PLXDC2: variants seen among roughly 807,000 people sequenced by gnomAD.
The protein encoded by PLXDC2 is plexin domain containing 2, also known as plexin domain-containing protein 2.
PLXDC2 carries 40 observed loss-of-function variants against 68.9 expected under a neutral mutation model. That is an observed-to-expected ratio of 0.58 (90% CI 0.45 to 0.76). The LOEUF (loss-of-function observed/expected upper bound fraction) is 0.76. Among genes scored for constraint, PLXDC2 ranks in the 30% least tolerant of loss-of-function variants. The pLI is 0.00. For synonymous variants in PLXDC2, 243 were observed against 234.2 expected (o/e 1.04, Z -0.34); for missense variants, 644 against 661.9 (o/e 0.97, Z 0.30).
At chr10:20,179,329 C>G (rs1310079366) in intron 9 of PLXDC2, among the ~76,000 whole-genome samples, 12 of 152,054 alleles carry the variant, frequency 7.9e-5, no homozygotes, top group African/African-American at 2.7e-4. Flanking sequence ...AAGGCAGAGA[C>G]CATATCCAAT....
intron 2 of PLXDC2, among the ~76,000 whole-genome samples, chr10:20,014,035 T>C (rs1233111383): frequency 1.3e-5 from 2 of 152,248 alleles, no homozygotes; most frequent in African/African-American, 4.8e-5. Flanking sequence ...CAGATGATAG[T>C]AAAATTATCT....
intron 1 of PLXDC2, among the ~76,000 whole-genome samples, chr10:19,930,336 G>A (rs1490970125): frequency 1.3e-5 from 2 of 152,070 alleles, no homozygotes; most frequent in Non-Finnish European, 2.9e-5. Flanking sequence ...AGAAACAGCC[G>A]GGTTGGTTTT....
chr10:19,850,492 A>G (rs1314536728), intron 1 of PLXDC2, among the ~76,000 whole-genome samples: 1 of 152,152 alleles, frequency 6.6e-6, no homozygotes, highest in African/African-American at 2.4e-5. Flanking sequence ...ATTATAATTA[A>G]AAGGCAAAAT....
At chr10:20,123,463 G>A (rs140952566) in intron 4 of PLXDC2, among the ~76,000 whole-genome samples, 4,502 of 152,212 alleles carry the variant, frequency 0.03, 152 homozygotes, top group African/African-American at 0.092. Flanking sequence ...TGGAAAAATC[G>A]AAAGTGCCGT....
intron 12 of PLXDC2, among the ~76,000 whole-genome samples, chr10:20,226,077 G>A (rs914099942): frequency 3.3e-5 from 5 of 152,156 alleles, no homozygotes; most frequent in Admixed American, 6.5e-5. Context: ...GAAGAATAAC[G>A]TATTTTACTC....
chr10:20,060,860 G>A lies in PLXDC2; in HGVS notation c.472-7310G>A, dbSNP rs191451922. On this transcript the variant is annotated intron_variant, in intron 3 of 13. Transcript: ENST00000377252. ...TTATAACAGGTAGGAAATGAATCAC[G>A]TAGTATAAAAGAAGAAATATAGAAA... 2.9e-4 allele frequency among the ~76,000 whole-genome samples: 44 copies of A among 152,286 alleles called. No homozygotes were observed. In the East Asian group the frequency reaches 7.5e-3, roughly 26 times the overall value.
intron 1 of PLXDC2, among the ~76,000 whole-genome samples, chr10:19,879,593 CAGA>C (rs1272338509): frequency 6.6e-6 from 1 of 152,154 alleles, no homozygotes; most frequent in Admixed American, 6.5e-5. Context: ...CCTTGCATTG[CAGA>C]CTGAGACGGT....
chr10:19,985,304 GAAATATTAAACAGAGGA>G (rs1359327435), intron 1 of PLXDC2, among the ~76,000 whole-genome samples: 2 of 152,140 alleles, frequency 1.3e-5, no homozygotes, highest in African/African-American at 4.8e-5. Context: ...TCTACCTGTT[GAAATATTAAACAGAGGA>G]AAATGGGGAT....
chr10:20,202,861 A>C (rs1281499981), intron 9 of PLXDC2, among the ~76,000 whole-genome samples: 2 of 152,164 alleles, frequency 1.3e-5, no homozygotes, highest in African/African-American at 4.8e-5. Flanking sequence ...AACTGGGCTT[A>C]GTGGATTGTC....
intron 3 of PLXDC2, 63 bp from the exon 4 acceptor site, chr10:20,068,107 C>A: frequency 7.2e-7 from 1 of 1,394,064 alleles, no homozygotes; most frequent in Non-Finnish European, 1.0e-6. Context: ...GTGAAAGGCT[C>A]TTCATTTCAC....
At chr10:19,858,174 G>T (rs1411131675) in intron 1 of PLXDC2, among the ~76,000 whole-genome samples, 3 of 152,080 alleles carry the variant, frequency 2.0e-5, no homozygotes, top group Admixed American at 6.6e-5. Flanking sequence ...TGATTTCTGG[G>T]GACAAATTTT....
intron 6 of PLXDC2, among the ~76,000 whole-genome samples, chr10:20,150,602 G>A (rs181420913): frequency 4.6e-5 from 7 of 152,228 alleles, no homozygotes; most frequent in Admixed American, 2.0e-4. Flanking sequence ...GCACAGTGAC[G>A]TTTTGCAATG....
chr10:20,068,004 G>GA (rs1189264808), intron 3 of PLXDC2, among the ~76,000 whole-genome samples, 166 bp from the exon 4 acceptor site: 1 of 152,082 alleles, frequency 6.6e-6, no homozygotes, highest in Non-Finnish European at 1.5e-5. Flanking sequence ...TTAATTACCA[G>GA]AAAAAATATT....
chr10:20,177,902 A>C, intron 9 of PLXDC2, among the ~76,000 whole-genome samples: 1 of 151,032 alleles, frequency 6.6e-6, no homozygotes, highest in South Asian at 2.1e-4. Context: ...CCTTTGTTTG[A>C]GAGCTCAAAA....
At chr10:20,218,080 A>G (rs1835163889) in intron 11 of PLXDC2, among the ~76,000 whole-genome samples, 2 of 152,158 alleles carry the variant, frequency 1.3e-5, no homozygotes, top group South Asian at 4.1e-4. Flanking sequence ...TGTCATAGAA[A>G]TTGTCCTTGA....
chr10:19,960,698 T>A (rs1441822609), intron 1 of PLXDC2, among the ~76,000 whole-genome samples: 2 of 152,186 alleles, frequency 1.3e-5, no homozygotes, highest in Non-Finnish European at 2.9e-5. Context: ...AGACAGTTCC[T>A]GTTTATCCCT....
chr10:19,868,993 C>A lies in PLXDC2; in HGVS notation c.112+51802C>A, dbSNP rs574667940. Among the ~76,000 whole-genome samples, 3 of 152,286 alleles carry A rather than the reference C, an allele frequency of 2.0e-5. No individual in the cohort carries two copies. The East Asian group carries it at 5.8e-4, about 29-fold the overall frequency. On this transcript the variant is annotated intron_variant, in intron 1 of 13. Transcript: ENST00000377252. ...TTTGTTAAAAATATGCTAGCACCTT[C>A]TGCCCTATCCCACAGATTATTATGG...
intron 4 of PLXDC2, among the ~76,000 whole-genome samples, chr10:20,122,732 C>T (rs1264504717): frequency 1.3e-5 from 2 of 152,100 alleles, no homozygotes; most frequent in African/African-American, 2.4e-5. Context: ...ACAGTGGAGG[C>T]AAGGAATTGC....
chr10:19,936,417 C>G (rs940341072), intron 1 of PLXDC2, among the ~76,000 whole-genome samples: 8 of 152,206 alleles, frequency 5.3e-5, no homozygotes, highest in Non-Finnish European at 1.2e-4. Flanking sequence ...TCAAATCTGA[C>G]ACTGCACTGC....
Sources: allele counts gnomAD v4.1 joint callset (sites outside exome capture counted in the v4.1 genomes callset), GRCh38; gene constraint gnomAD v4.1.1; transcripts MANE v1.5; gene names NCBI Gene and HGNC (gene_info 2026-07-23, HGNC 2026-07-21).